RRBP1: variants seen among roughly 807,000 people sequenced by gnomAD.
RRBP1 encodes ribosome-binding protein 1.
In RRBP1, 94 loss-of-function variants were observed where a neutral mutation model predicts 165.2. That is an observed-to-expected ratio of 0.57 (90% CI 0.48 to 0.68). The LOEUF is 0.68. Ranked by LOEUF, RRBP1 falls within the 30% of genes least tolerant of loss-of-function variation. The pLI is 0.00. For synonymous variants in RRBP1, 680 were observed against 714.5 expected (o/e 0.95, Z 0.77); for missense variants, 1,676 against 1,763.0 (o/e 0.95, Z 0.88).
At chr20:17,676,885 CTACAGGCA>C (rs2037092385) in intron 2 of RRBP1, among the ~76,000 whole-genome samples, 1 of 152,110 alleles carries the variant, frequency 6.6e-6, no homozygotes, top group Non-Finnish European at 1.5e-5. Context: ...GTAGCCAGGA[CTACAGGCA>C]CATGCCACCA....
chr20:17,662,240 G>C (rs2036779421), intron 2 of RRBP1, among the ~76,000 whole-genome samples: 2 of 151,190 alleles, frequency 1.3e-5, no homozygotes. Flanking sequence ...TCTAGCCTGG[G>C]CGACAGAGCG....
At chr20:17,665,292 C>T (rs1209180271) in intron 2 of RRBP1, among the ~76,000 whole-genome samples, 3 of 152,206 alleles carry the variant, frequency 2.0e-5, no homozygotes, top group Non-Finnish European at 4.4e-5. Context: ...GTGTAAGTGA[C>T]ATTGTTCTGG....
At chr20:17,635,435 A>T in intron 7 of RRBP1, 111 bp downstream of exon 7, 1 of 784,272 alleles carries the variant, frequency 1.3e-6, no homozygotes, top group East Asian at 2.5e-5. Flanking sequence ...CTCCGCACAC[A>T]TGTAGGGCCC....
At position 17,643,390 on chromosome 20, in the gene RRBP1, CT is replaced by C. The variant is rs113680800; in HGVS notation, c.1913-264del. Among the ~76,000 whole-genome samples the C allele has an allele frequency of 3.1e-3, 455 of 147,784 alleles. No homozygotes were observed. The highest frequency in any genetic ancestry group is 9.7e-3 in the African/African-American group (394 of 40,550). On this transcript the variant is annotated intron_variant, in intron 3 of 24. Coordinates refer to ENST00000377813, the MANE Select transcript of RRBP1 (RefSeq NM_001365613.2). This position sits in a 1 kb window ranked among gnomAD's most constrained non-coding sequence, Gnocchi z 4.3. ...AGCCTGGGGTGGAAGTAGAGCTCCT[CT>C]TTTTTTTTTTCCACCATCAAGATGG...
At chr20:17,645,029 A>AC (rs1294635564) in intron 3 of RRBP1, among the ~76,000 whole-genome samples, 1 of 151,960 alleles carries the variant, frequency 6.6e-6, no homozygotes, top group Non-Finnish European at 1.5e-5. Context: ...AGAACCAGGG[A>AC]CCCCCAAAGT....
chr20:17,618,734 C>G (rs1282445340), intron 19 of RRBP1, 55 bp from the exon 20 acceptor site: 1 of 1,393,728 alleles, frequency 7.2e-7, no homozygotes, highest in East Asian at 2.3e-5. Flanking sequence ...AAGGAGAAAA[C>G]CAGTCCCCGT....
chr20:17,635,489 A>G, intron 7 of RRBP1, 57 bp downstream of exon 7: 1 of 1,331,952 alleles, frequency 7.5e-7, no homozygotes, highest in South Asian at 1.2e-5. Flanking sequence ...AGCCTCGTGA[A>G]GCCTTCCTCG....
intron 11 of RRBP1, among the ~76,000 whole-genome samples, chr20:17,626,197 T>C (rs1335126543): frequency 1.3e-5 from 2 of 152,158 alleles, no homozygotes; most frequent in African/African-American, 4.8e-5. Flanking sequence ...CACATCTACA[T>C]GATGCAAGAA....
At chr20:17,676,872 T>G (rs1253386946) in intron 2 of RRBP1, among the ~76,000 whole-genome samples, 4 of 152,138 alleles carry the variant, frequency 2.6e-5, no homozygotes, top group Non-Finnish European at 4.4e-5. Context: ...TTCAGCCACC[T>G]GAGTAGCCAG....
At position 17,621,914 on chromosome 20, in the gene RRBP1, C is replaced by T. The variant is rs2035922025; in HGVS notation, c.3181G>A (p.Ala1061Thr). Residue 1061 changes from alanine to threonine, a missense_variant, in exon 14 of 25, where the codon GCG becomes ACG. Physicochemically the swap from Ala to Thr is moderately conservative, Grantham distance 58. Coordinates refer to ENST00000377813, the MANE Select transcript of RRBP1 (RefSeq NM_001365613.2). ...GCCAGCAGGGCCTCCATGGTCTGCG[C>T]CTCAATCAGACAGAGCTGCTTCTCC... The part of the protein sequence containing the change: ...ESEKQLCLIE[A>T]QTMEALLALL... 1 of 1,613,638 alleles carries T rather than the reference C, an allele frequency of 6.2e-7. No individual in the cohort carries two copies. Among genetic ancestry groups the T allele is most frequent in the African/African-American group, 1.3e-5 (1 of 74,896 alleles).
intron 2 of RRBP1, among the ~76,000 whole-genome samples, chr20:17,666,941 C>T (rs75790852): frequency 0.026 from 3,968 of 152,272 alleles, 183 homozygotes; most frequent in African/African-American, 0.089. Context: ...AATGCCAGTT[C>T]ACAGAAAGTT....
intron 23 of RRBP1, 79 bp downstream of exon 23, chr20:17,615,352 G>A (rs2035777448): frequency 4.3e-6 from 5 of 1,171,366 alleles, no homozygotes; most frequent in Non-Finnish European, 6.0e-6. Context: ...CCCCTTCCTG[G>A]CCCCTTTCCG....
chr20:17,670,812 T>C (rs1175157764), intron 2 of RRBP1, among the ~76,000 whole-genome samples: 5 of 152,206 alleles, frequency 3.3e-5, no homozygotes, highest in Admixed American at 1.3e-4. Flanking sequence ...TATCACTAAA[T>C]GTCTATATGT....
intron 4 of RRBP1, among the ~76,000 whole-genome samples, chr20:17,642,621 C>T (rs575201581): frequency 2.2e-4 from 34 of 152,304 alleles, no homozygotes; most frequent in Middle Eastern, 3.4e-3. Flanking sequence ...GGCAGCACGA[C>T]GGAAACCAGG....
At chr20:17,654,422 G>A (rs1480586869) in intron 3 of RRBP1, among the ~76,000 whole-genome samples, 2 of 152,232 alleles carry the variant, frequency 1.3e-5, no homozygotes, top group Admixed American at 6.5e-5. Context: ...GGATAAACTT[G>A]GAGGCTTACC....
chr20:17,621,266 T>G (rs1022147214), intron 16 of RRBP1, among the ~76,000 whole-genome samples, 192 bp downstream of exon 16: 5 of 152,146 alleles, frequency 3.3e-5, no homozygotes, highest in Admixed American at 2.6e-4. Context: ...CTTGGCCTTC[T>G]CTTCAGCTTA....
At chr20:17,670,479 T>G (rs2036956657) in intron 2 of RRBP1, among the ~76,000 whole-genome samples, 2 of 151,376 alleles carry the variant, frequency 1.3e-5, no homozygotes, top group Non-Finnish European at 1.5e-5. Context: ...ACTCACAAAA[T>G]TCAAAGTTAA....
chr20:17,681,434 T>C (rs2037184707), intron 1 of RRBP1, among the ~76,000 whole-genome samples: 1 of 145,390 alleles, frequency 6.9e-6, no homozygotes, highest in Non-Finnish European at 1.5e-5. Flanking sequence ...TCGGGGGCCG[T>C]CCCAGCCCCG....
chr20:17,638,914 G>A (rs2036296304), intron 5 of RRBP1, among the ~76,000 whole-genome samples: 1 of 152,254 alleles, frequency 6.6e-6, no homozygotes, highest in East Asian at 1.9e-4. Flanking sequence ...CCTCCACCAA[G>A]AAGGCCTGGT....
Sources: allele counts gnomAD v4.1 joint callset (sites outside exome capture counted in the v4.1 genomes callset), GRCh38; gene constraint gnomAD v4.1.1; non-coding constraint Gnocchi (gnomAD v3.1); transcripts MANE v1.5; gene names NCBI Gene and HGNC (gene_info 2026-07-23, HGNC 2026-07-21).